Variants in STAG2 observed in about 807,000 individuals in gnomAD.
STAG2 encodes STAG2 cohesin complex component, also known as cohesin subunit SA-2.
A neutral mutation model predicts 108.1 loss-of-function variants in STAG2; 14 were observed. The observed-to-expected ratio is 0.13, with a 90% CI of 0.09 to 0.20. STAG2 has a LOEUF of 0.20. Among genes scored for constraint, STAG2 ranks in the 10% least tolerant of loss-of-function variants. The pLI is 1.00. For synonymous variants in STAG2, 307 were observed against 302.7 expected (o/e 1.01, Z -0.15); for missense variants, 440 against 940.9 (o/e 0.47, Z 6.96).
At chrX:124,019,074 T>TTA (rs2056834186) in intron 1 of STAG2, among the ~76,000 whole-genome samples, 1 of 100,976 alleles carries the variant, frequency 9.9e-6, no homozygotes, top group Non-Finnish European at 2.0e-5. Flanking sequence ...TTTTTTTTTT[T>TTA]ATTTAAGATG....
intron 7 of STAG2, among the ~76,000 whole-genome samples, chrX:124,044,815 T>C (rs984733965): frequency 2.7e-5 from 3 of 112,206 alleles, no homozygotes; most frequent in Non-Finnish European, 5.6e-5. Context: ...TTTAAAAATA[T>C]AATTTTGGTT....
At chrX:123,984,441 C>A (rs2147692262) in intron 1 of STAG2, among the ~76,000 whole-genome samples, 1 of 111,167 alleles carries the variant, frequency 9.0e-6, no homozygotes, top group African/African-American at 3.3e-5. Context: ...GTTTTATTTT[C>A]ATGCTAGCAT....
In STAG2 at chrX:124,031,551, GTTTTT is replaced by G. The variant is rs140019478; in HGVS notation, c.288+430_288+434del. 7.4e-5 allele frequency among the ~76,000 whole-genome samples: 7 copies of G among 94,444 alleles called. No individual in the cohort carries two copies. The South Asian group carries it at 1.8e-3, about 24-fold the overall frequency. 82.0% of individuals were successfully genotyped at this position (94,444 alleles called of 115,157 possible). On this transcript the variant is annotated intron_variant, in intron 5 of 34. Coordinates refer to ENST00000371145, the MANE Select transcript of STAG2 (RefSeq NM_001042750.2). Reference sequence around the variant, plus strand: ...GTGTTTTTTGTTTGTTTGTTTGTTTGTTTTTTTTGTTTTTTTGTTTTTTTGTTTTT... The same window carrying G: ...GTGTTTTTTGTTTGTTTGTTTGTTTGTTTGTTTTTTTGTTTTTTTGTTTTT...
chrX:123,972,866 CAAAA>C (rs747333406), intron 1 of STAG2, among the ~76,000 whole-genome samples: 1 of 21,934 alleles, frequency 4.6e-5, no homozygotes, highest in Non-Finnish European at 7.3e-5. Flanking sequence ...ACCAAAAATA[CAAAA>C]AAAAAAAAAA....
At chrX:124,058,698 C>T (rs1569514788) in intron 15 of STAG2, among the ~76,000 whole-genome samples, 1 of 111,669 alleles carries the variant, frequency 9.0e-6, no homozygotes, top group Non-Finnish European at 1.9e-5. Context: ...TGTAAGATTT[C>T]AGATGTTGGT....
At chrX:123,991,158 A>G (rs992713280) in intron 1 of STAG2, among the ~76,000 whole-genome samples, 5 of 111,867 alleles carry the variant, frequency 4.5e-5, no homozygotes, top group Admixed American at 9.5e-5. Context: ...AAAAACTCCA[A>G]TGTACATAAT....
intron 5 of STAG2, among the ~76,000 whole-genome samples, chrX:124,034,353 G>A (rs2057440216): frequency 9.0e-6 from 1 of 111,682 alleles, no homozygotes; most frequent in Admixed American, 9.5e-5. Context: ...TTTGAAATGT[G>A]TTTCCCTCTT....
chrX:123,976,396 C>T lies in STAG2; in HGVS notation c.-163+14540C>T, dbSNP rs1175188501. 1.2e-4 allele frequency among the ~76,000 whole-genome samples: 13 copies of T among 111,842 alleles called. 1 individual carries two copies. In the South Asian group the frequency reaches 4.1e-3, roughly 35 times the overall value. ...TGAATGTACAATATTGGCAAATATC[C>T]AGATTTATCTCATAGCAAGATTAAC... On this transcript the variant is annotated intron_variant, in intron 1 of 34. Transcript: ENST00000371145.
chrX:123,990,817 C>G lies in STAG2; in HGVS notation c.-163+28961C>G, dbSNP rs150212713. Among the ~76,000 whole-genome samples, 1,041 of 112,024 alleles carry G rather than the reference C, an allele frequency of 9.3e-3. 15 individuals carry two copies. The highest frequency in any genetic ancestry group is 0.032 in the African/African-American group (977 of 30,849). On this transcript the variant is annotated intron_variant, in intron 1 of 34. Coordinates refer to ENST00000371145, the MANE Select transcript of STAG2 (RefSeq NM_001042750.2). The stretch of plus-strand genomic sequence containing the variant: ...TGACCTCCATCTCGCATAACTCTAA[C>G]TGCTCTTAGTTCCCTGGGGACACCA...
At position 124,051,310 on chromosome X, in the gene STAG2, C is replaced by T. The variant is rs765899886; in HGVS notation, c.1117-5C>T. The T allele has an allele frequency of 1.7e-6, 2 of 1,184,772 alleles. No individual in the cohort carries two copies. Among genetic ancestry groups the T allele is most frequent in the African/African-American group, 3.6e-5 (2 of 55,619 alleles). On this transcript the variant is annotated splice_region_variant and splice_polypyrimidine_tract_variant and intron_variant, in intron 12 of 34. Transcript: ENST00000371145. ...TTAAAAATATTTTAATTTTTTTGTCCTTAGGATAGAATTGTGTCTATGACC... is the reference window on the plus strand; with the variant it reads ...TTAAAAATATTTTAATTTTTTTGTCTTTAGGATAGAATTGTGTCTATGACC...
At chrX:123,977,833 T>G (rs2054689421) in intron 1 of STAG2, among the ~76,000 whole-genome samples, 1 of 22,891 alleles carries the variant, frequency 4.4e-5, no homozygotes, top group African/African-American at 3.4e-4. Context: ...TTCCCAAGTG[T>G]TTTTTTTTTT....
chrX:124,071,679 A>G (rs2058668721), intron 25 of STAG2, among the ~76,000 whole-genome samples: 1 of 112,057 alleles, frequency 8.9e-6, no homozygotes, highest in Non-Finnish European at 1.9e-5. Context: ...CATTGGTAAT[A>G]CCAATATGCA....
At chrX:124,077,385 C>T (rs1487049301) in intron 26 of STAG2, among the ~76,000 whole-genome samples, 3 of 110,527 alleles carry the variant, frequency 2.7e-5, no homozygotes, top group East Asian at 2.8e-4. Flanking sequence ...TGTTATTGTA[C>T]GTGTTTGAAA....
At chrX:124,098,393 T>C (rs945685085) in intron 34 of STAG2, among the ~76,000 whole-genome samples, 1 of 111,645 alleles carries the variant, frequency 9.0e-6, no homozygotes, top group East Asian at 2.8e-4. Context: ...TAACAGTTTA[T>C]TTTTTAAATA....
intron 4 of STAG2, among the ~76,000 whole-genome samples, chrX:124,028,822 A>ATATATATAT (rs1296806013): frequency 1.3e-4 from 5 of 38,978 alleles, no homozygotes; most frequent in Admixed American, 5.5e-4. Flanking sequence ...ATATATATAT[A>ATATATATAT]TTTTTTTTTT....
At chrX:124,061,666 G>A in intron 16 of STAG2, 105 bp from the exon 17 acceptor site, 11 of 595,497 alleles carry the variant, frequency 1.8e-5, no homozygotes, top group Non-Finnish European at 2.7e-5. Flanking sequence ...GGCAGATTCT[G>A]TTTACAGGCA....
chrX:124,035,392 G>T (rs894990607), intron 5 of STAG2, among the ~76,000 whole-genome samples: 1 of 111,859 alleles, frequency 8.9e-6, no homozygotes, highest in African/African-American at 3.2e-5. Context: ...ATGTGATGTA[G>T]TGGTCTCTTT....
At chrX:123,963,858 T>G (rs2053978890) in intron 1 of STAG2, among the ~76,000 whole-genome samples, 5 of 111,894 alleles carry the variant, frequency 4.5e-5, no homozygotes, top group Admixed American at 3.8e-4. Flanking sequence ...GTTACATTGT[T>G]GGATTTTGAC....
chrX:124,098,534 G>A (rs970989133), intron 34 of STAG2, among the ~76,000 whole-genome samples: 8 of 111,053 alleles, frequency 7.2e-5, no homozygotes, highest in Non-Finnish European at 1.3e-4. Flanking sequence ...CCATAATACC[G>A]GAGTCATCTA....
Sources: allele counts gnomAD v4.1 joint callset (sites outside exome capture counted in the v4.1 genomes callset), GRCh38; gene constraint gnomAD v4.1.1; transcripts MANE v1.5; gene names NCBI Gene and HGNC (gene_info 2026-07-23, HGNC 2026-07-21).